The following CDC14B variants were observed in gnomAD, a reference collection of about 807,000 sequenced individuals.
CDC14B encodes cell division cycle 14B.
In CDC14B, 22 loss-of-function variants were observed where a neutral mutation model predicts 64.2. That is an observed-to-expected ratio of 0.34 (90% CI 0.24 to 0.49). The LOEUF is 0.49. Among genes scored for constraint, CDC14B ranks in the 20% least tolerant of loss-of-function variants. CDC14B has a pLI of 0.99. For synonymous variants in CDC14B, 191 were observed against 215.8 expected (o/e 0.89, Z 1.01); for missense variants, 498 against 629.9 (o/e 0.79, Z 2.24).
intron 1 of CDC14B, among the ~76,000 whole-genome samples, chr9:96,601,794 G>GAAA (rs35472518): frequency 2.9e-5 from 2 of 68,260 alleles, no homozygotes; most frequent in Non-Finnish European, 5.7e-5. Context: ...ACGCTGTCTC[G>GAAA]AAAAAAAAAA....
chr9:96,507,705 C>T (rs906647209), intron 13 of CDC14B, among the ~76,000 whole-genome samples: 18 of 152,130 alleles, frequency 1.2e-4, no homozygotes, highest in East Asian at 5.8e-4. Context: ...TGAGCCACCG[C>T]GCCCAGCCTG....
intron 1 of CDC14B, among the ~76,000 whole-genome samples, chr9:96,573,634 C>T (rs1395922413): frequency 6.6e-6 from 1 of 152,130 alleles, no homozygotes; most frequent in Non-Finnish European, 1.5e-5. Context: ...ATGTAAATTA[C>T]ATGCTAATAA....
At chr9:96,496,000 G>A (rs1349452193), downstream of CDC14B, among the ~76,000 whole-genome samples, 1 of 152,134 alleles carries the variant, frequency 6.6e-6, no homozygotes, top group Non-Finnish European at 1.5e-5. Flanking sequence ...AGATGGAGGG[G>A]CCTCAGCTTC....
chr9:96,533,802 T>A, intron 9 of CDC14B, 125 bp downstream of exon 9: 1 of 575,756 alleles, frequency 1.7e-6, no homozygotes, highest in Non-Finnish European at 3.0e-6. Context: ...ATCAAAGGTT[T>A]CACGGCACTC....
At chr9:96,571,838 C>A (rs1003557817) in intron 1 of CDC14B, among the ~76,000 whole-genome samples, 5 of 152,140 alleles carry the variant, frequency 3.3e-5, no homozygotes, top group African/African-American at 1.2e-4. Context: ...GCTGTAAGAC[C>A]CTCATTCCAC....
chr9:96,573,851 G>GA (rs1026231185), intron 1 of CDC14B, among the ~76,000 whole-genome samples: 21 of 151,758 alleles, frequency 1.4e-4, no homozygotes, highest in East Asian at 5.8e-4. Flanking sequence ...AAAACATTGT[G>GA]AAAAAAAACA....
intron 5 of CDC14B, among the ~76,000 whole-genome samples, chr9:96,548,166 T>A (rs906936318): frequency 6.6e-6 from 1 of 151,916 alleles, no homozygotes; most frequent in Admixed American, 6.6e-5. Context: ...GGCTCAAATC[T>A]GTAAAGGACC....
intron 9 of CDC14B, among the ~76,000 whole-genome samples, chr9:96,529,964 T>A (rs1420509389): frequency 6.6e-6 from 1 of 152,154 alleles, no homozygotes; most frequent in South Asian, 2.1e-4. Flanking sequence ...TGTATATCCC[T>A]TCGGGCAATA....
chr9:96,492,460 T>A (rs1459262293), exon 14 of CDC14B: 2 of 152,508 alleles, frequency 1.3e-5, no homozygotes, highest in Admixed American at 1.3e-4. Context: ...ATAGGGGTGC[T>A]TGGCTGGGTG....
chr9:96,615,670 G>A (rs1415611748), intron 1 of CDC14B, among the ~76,000 whole-genome samples: 4 of 152,152 alleles, frequency 2.6e-5, no homozygotes, highest in Non-Finnish European at 1.5e-5. Context: ...GTAGCCATTC[G>A]GAAAAAGAGT....
At chr9:96,546,800 T>C (rs1429060393) in intron 5 of CDC14B, among the ~76,000 whole-genome samples, 1 of 151,272 alleles carries the variant, frequency 6.6e-6, no homozygotes, top group Non-Finnish European at 1.5e-5. Context: ...CGGTGGCTCA[T>C]GCCTGTAATC....
intron 6 of CDC14B, among the ~76,000 whole-genome samples, chr9:96,541,490 C>T (rs1476911591): frequency 6.6e-6 from 1 of 152,218 alleles, no homozygotes; most frequent in Non-Finnish European, 1.5e-5. Flanking sequence ...TCAAAGAGAA[C>T]TTACCAGTAA....
At chr9:96,595,289 GA>G (rs1846007457) in intron 1 of CDC14B, among the ~76,000 whole-genome samples, 1 of 152,112 alleles carries the variant, frequency 6.6e-6, no homozygotes, top group Admixed American at 6.5e-5. Flanking sequence ...ATAACAATAC[GA>G]AAATATTTAA....
At chr9:96,566,893 C>G in intron 1 of CDC14B, 1 of 1,551,980 alleles carries the variant, frequency 6.4e-7, no homozygotes. Flanking sequence ...CGACCACACC[C>G]CCGAAGTTTA....
intron 9 of CDC14B, among the ~76,000 whole-genome samples, chr9:96,529,490 CTTT>C (rs56239842): frequency 1.5e-5 from 2 of 131,092 alleles, no homozygotes; most frequent in African/African-American, 2.9e-5. Context: ...TGTACTAAGC[CTTT>C]TTTTTTTTTT....
intron 1 of CDC14B, among the ~76,000 whole-genome samples, chr9:96,574,986 T>C (rs763874950): frequency 4.9e-4 from 74 of 152,198 alleles, no homozygotes; most frequent in Non-Finnish European, 5.7e-4. Flanking sequence ...TTAGGATGGT[T>C]CTGGTTCACT....
At chr9:96,597,871 T>C (rs906718394) in intron 1 of CDC14B, among the ~76,000 whole-genome samples, 1 of 152,164 alleles carries the variant, frequency 6.6e-6, no homozygotes, top group Non-Finnish European at 1.5e-5. Flanking sequence ...ATTTATAATA[T>C]ATGTAAAAGT....
intron 1 of CDC14B, among the ~76,000 whole-genome samples, chr9:96,576,591 C>G (rs546832359): frequency 5.7e-4 from 83 of 145,588 alleles, no homozygotes; most frequent in Middle Eastern, 3.6e-3. Flanking sequence ...TGAGATCAAG[C>G]CACTGCACTC....
chr9:96,596,131 AG>A (rs2118714116), intron 1 of CDC14B, among the ~76,000 whole-genome samples: 1 of 152,246 alleles, frequency 6.6e-6, no homozygotes, highest in African/African-American at 2.4e-5. Context: ...TGGGAGGCTG[AG>A]GGGGGCAGAT....
Sources: gnomAD v4.1 joint callset for allele counts (sites outside exome capture counted in the v4.1 genomes callset) on GRCh38, gnomAD v4.1.1 for gene constraint, MANE v1.5 for transcripts, NCBI Gene and HGNC (gene_info 2026-07-23, HGNC 2026-07-21) for gene names.